The following COL25A1 variants were observed in gnomAD, a reference collection of about 807,000 sequenced individuals.
COL25A1 encodes collagen alpha-1(XXV) chain.
A neutral mutation model predicts 128.4 loss-of-function variants in COL25A1; 103 were observed. That is an observed-to-expected ratio of 0.80 (90% confidence interval 0.68 to 0.94). COL25A1 has a LOEUF of 0.94. COL25A1 is among the 40% of genes least tolerant of loss of function. COL25A1 has a pLI of 0.00. For missense variants in COL25A1, 745 were observed against 840.0 expected (o/e 0.89, Z 1.40); for synonymous variants, 279 against 277.2 (o/e 1.01, Z -0.06).
intron 3 of COL25A1, among the ~76,000 whole-genome samples, chr4:109,197,719 A>G (rs1025843761): frequency 1.2e-4 from 18 of 151,408 alleles, no homozygotes; most frequent in Admixed American, 1.3e-4. Flanking sequence ...CTTACTCCAG[A>G]GTCTTTGAAA....
In COL25A1 at chr4:108,860,979, C is replaced by T. The variant is rs777492537; in HGVS notation, c.1198-8G>A. ...TTTTTCTCCACGATCCCCCTTTTCC[C>T]GTTGGAAAGAGAAAAAACTTAATCA... On this transcript the variant is annotated splice_polypyrimidine_tract_variant and splice_region_variant and intron_variant, in intron 22 of 37. Transcript: ENST00000399132. 6 of 1,613,000 alleles carry T rather than the reference C, an allele frequency of 3.7e-6. No homozygotes were observed. Among genetic ancestry groups the T allele is most frequent in the East Asian group, 2.2e-5 (1 of 44,858 alleles).
intron 8 of COL25A1, among the ~76,000 whole-genome samples, chr4:108,961,493 T>C (rs891309235): frequency 2.6e-5 from 4 of 152,184 alleles, no homozygotes; most frequent in Admixed American, 6.5e-5. Flanking sequence ...TTTTGCAAGA[T>C]TTGCCACTTA....
At chr4:109,116,902 G>A (rs1405243392) in intron 3 of COL25A1, among the ~76,000 whole-genome samples, 1 of 151,928 alleles carries the variant, frequency 6.6e-6, no homozygotes, top group Non-Finnish European at 1.5e-5. Flanking sequence ...ACAGGACATG[G>A]CTGAGGAGAA....
At chr4:108,968,840 T>C (rs1399150789) in intron 8 of COL25A1, among the ~76,000 whole-genome samples, 3 of 152,148 alleles carry the variant, frequency 2.0e-5, no homozygotes, top group Non-Finnish European at 4.4e-5. Context: ...TCACTTATCC[T>C]CCCAACTTTC....
intron 3 of COL25A1, among the ~76,000 whole-genome samples, chr4:109,060,165 G>A (rs1761831158): frequency 6.6e-6 from 1 of 152,196 alleles, no homozygotes; most frequent in Non-Finnish European, 1.5e-5. Flanking sequence ...TAAGTGTCAA[G>A]TGAGATATTT....
chr4:109,087,674 C>A (rs1029846477), intron 3 of COL25A1, among the ~76,000 whole-genome samples: 1 of 152,138 alleles, frequency 6.6e-6, no homozygotes, highest in Non-Finnish European at 1.5e-5. Flanking sequence ...ATTACTTTTA[C>A]TTTGCTTCCT....
chr4:109,053,266 T>C (rs1761148948), intron 3 of COL25A1, among the ~76,000 whole-genome samples: 1 of 152,178 alleles, frequency 6.6e-6, no homozygotes, highest in Admixed American at 6.5e-5. Flanking sequence ...CAGCCTGAGA[T>C]AGAATTAGTA....
chr4:108,870,589 T>A (rs1284067853), intron 19 of COL25A1, among the ~76,000 whole-genome samples: 2 of 152,184 alleles, frequency 1.3e-5, no homozygotes, highest in Non-Finnish European at 2.9e-5. Context: ...TGGGTGGATC[T>A]CTTAATGGCC....
intron 24 of COL25A1, among the ~76,000 whole-genome samples, chr4:108,857,161 T>C (rs533996537): frequency 6.6e-6 from 1 of 152,208 alleles, no homozygotes; most frequent in South Asian, 2.1e-4. Flanking sequence ...AGATACCTCT[T>C]AAAGGTAGCT....
intron 20 of COL25A1, 23 bp downstream of exon 20, chr4:108,869,065 A>T (rs771220267): frequency 3.3e-6 from 5 of 1,495,694 alleles, no homozygotes; most frequent in Non-Finnish European, 4.6e-6. Flanking sequence ...GAAAGAAAGA[A>T]GGAAAGAAAG....
At position 109,272,633 on chromosome 4, in the gene COL25A1, T is replaced by C. The variant is rs148732362; in HGVS notation, c.367+27950A>G. ...TAAGTATGTACTATGGACAAGGCAC[T>C]GTGGGAGTTAGAGAGGCCCAGAAAT... is the stretch of plus-strand genomic sequence containing the variant. On this transcript the variant is annotated intron_variant, in intron 3 of 37. Coordinates refer to ENST00000399132, the MANE Select transcript of COL25A1 (RefSeq NM_198721.4). 3.9e-3 allele frequency among the ~76,000 whole-genome samples: 589 copies of C among 152,328 alleles called. 4 individuals are homozygous for C. Among genetic ancestry groups the C allele is most frequent in the Middle Eastern group, 0.017 (5 of 294 alleles).
chr4:108,893,447 G>A lies in COL25A1; in HGVS notation c.906+3220C>T, dbSNP rs146576514. Among the ~76,000 whole-genome samples the A allele has an allele frequency of 6.6e-5, 10 of 152,264 alleles. No homozygotes were observed. In the East Asian group the frequency reaches 1.4e-3, roughly 21 times the overall value. ...GTAACTCTACGCATGACTGAACTCCGTCTTTGGCAGGTTTACGCTCTTAAA... is the reference window on the plus strand; with the variant it reads ...GTAACTCTACGCATGACTGAACTCCATCTTTGGCAGGTTTACGCTCTTAAA... On this transcript the variant is annotated intron_variant, in intron 16 of 37. Coordinates refer to ENST00000399132, the MANE Select transcript of COL25A1 (RefSeq NM_198721.4).
intron 3 of COL25A1, among the ~76,000 whole-genome samples, chr4:109,120,343 T>G (rs912884213): frequency 6.6e-6 from 1 of 152,092 alleles, no homozygotes; most frequent in African/African-American, 2.4e-5. Flanking sequence ...AAACTGCCTC[T>G]TTTTTTGTAG....
At chr4:109,077,024 C>T (rs1763437357) in intron 3 of COL25A1, among the ~76,000 whole-genome samples, 2 of 152,108 alleles carry the variant, frequency 1.3e-5, no homozygotes, top group Admixed American at 6.5e-5. Context: ...GACCGATACC[C>T]GAACTTTGAA....
At chr4:109,266,052 A>T (rs1328081805) in intron 3 of COL25A1, among the ~76,000 whole-genome samples, 1 of 152,166 alleles carries the variant, frequency 6.6e-6, no homozygotes, top group African/African-American at 2.4e-5. Context: ...ACTCTTGAGG[A>T]CTAACAGGTG....
chr4:109,172,597 C>T (rs1295302974), intron 3 of COL25A1, among the ~76,000 whole-genome samples: 1 of 151,908 alleles, frequency 6.6e-6, no homozygotes, highest in Non-Finnish European at 1.5e-5. Flanking sequence ...TACCACTTTG[C>T]CACAAACCAT....
intron 5 of COL25A1, among the ~76,000 whole-genome samples, chr4:109,012,261 G>A (rs1189311955): frequency 2.0e-5 from 3 of 152,242 alleles, no homozygotes; most frequent in Non-Finnish European, 4.4e-5. Flanking sequence ...CCACTTATAT[G>A]TAACTATGGA....
chr4:109,000,441 A>T (rs185266748), intron 6 of COL25A1, among the ~76,000 whole-genome samples: 1 of 152,096 alleles, frequency 6.6e-6, no homozygotes, highest in Admixed American at 6.6e-5. Context: ...CTCTATTTTA[A>T]TTGTAAAGTG....
chr4:109,056,677 G>A (rs1416175347), intron 3 of COL25A1, among the ~76,000 whole-genome samples: 1 of 152,006 alleles, frequency 6.6e-6, no homozygotes, highest in East Asian at 1.9e-4. Context: ...ATAAACGTGG[G>A]TGCATTATCA....
Sources: allele counts gnomAD v4.1 joint callset (sites outside exome capture counted in the v4.1 genomes callset), GRCh38; gene constraint gnomAD v4.1.1; transcripts MANE v1.5; gene names NCBI Gene and HGNC (gene_info 2026-07-23, HGNC 2026-07-21).